ACCS: variants seen among roughly 807,000 people sequenced by gnomAD.
ACCS encodes the protein 1-aminocyclopropane-1-carboxylate synthase homolog (inactive).
A neutral mutation model predicts 59.8 loss-of-function variants in ACCS; 42 were observed. The ratio of observed to expected loss-of-function variants is 0.70; its 90% CI spans 0.55 to 0.91. ACCS has a LOEUF of 0.91. Among genes scored for constraint, ACCS ranks in the 40% least tolerant of loss-of-function variants. ACCS has a pLI of 0.00. For synonymous variants in ACCS, 230 were observed against 240.3 expected, an observed-to-expected ratio of 0.96 and a Z score of 0.40; for missense variants, 602 against 630.4, an observed-to-expected ratio of 0.95 and a Z score of 0.48.
At chr11:44,078,974 A>G (rs1037574684) in intron 9 of ACCS, 190 bp downstream of exon 9, 39 of 583,978 alleles carry the variant, frequency 6.7e-5, no homozygotes, top group Non-Finnish European at 8.5e-5. Flanking sequence ...CACTCTTTAT[A>G]ACAATAGCTA....
Position 44,083,785 on chromosome 11 carries a change from G to T in ACCS, c.1499G>T (p.Arg500Leu). 6.2e-7 allele frequency: 1 copy of T among 1,610,220 alleles called. No individual in the cohort carries two copies. The highest frequency in any genetic ancestry group is 8.5e-7 in the Non-Finnish European group (1 of 1,178,230). ...CAGAGCCAGGAGCCAAGTGACCAACGCAGGTGAGCTGGTCATTGTCTCGTG... is the reference window on the plus strand; with the variant it reads ...CAGAGCCAGGAGCCAAGTGACCAACTCAGGTGAGCTGGTCATTGTCTCGTG... ...PSQSQEPSDQRR is the reference protein window; with the variant it reads ...PSQSQEPSDQLR Residue 500 changes from arginine (R) to leucine (L), a missense_variant, in exon 15 of 15, where the codon CGC becomes CTC. Transcript: ENST00000263776.
intron 5 of ACCS, 117 bp from the exon 6 acceptor site, chr11:44,075,409 C>G: frequency 9.6e-7 from 1 of 1,044,754 alleles, no homozygotes; most frequent in South Asian, 1.4e-5. Flanking sequence ...TGTGACAGAG[C>G]CTCAGGTGGC....
intron 14 of ACCS, 55 bp downstream of exon 14, chr11:44,083,632 C>T (rs753361607): frequency 4.8e-5 from 78 of 1,614,032 alleles, no homozygotes; most frequent in Admixed American, 4.7e-4. Flanking sequence ...CTGTGGCCTC[C>T]GCTTGTTTGT....
At chr11:44,075,501 C>A in intron 5 of ACCS, 25 bp from the exon 6 acceptor site, 1 of 1,612,692 alleles carries the variant, frequency 6.2e-7, no homozygotes, top group Non-Finnish European at 8.5e-7. Flanking sequence ...GGTTCATCTT[C>A]ATCCCTTGGA....
In ACCS at chr11:44,083,151, C is replaced by CCT. The variant is rs57392083; in HGVS notation, c.1112-15_1112-14dup. On this transcript the variant is annotated splice_polypyrimidine_tract_variant and intron_variant, in intron 12 of 14. Transcript: ENST00000263776. ...GGTTGATGGGATATTGATCTTCTGGCCTCTTTCACCCAAACAGACTGGATC... is the reference window on the plus strand; with the variant it reads ...GGTTGATGGGATATTGATCTTCTGGCCTCTCTTTCACCCAAACAGACTGGATC... 1,158,028 of 1,610,294 alleles carry CCT rather than the reference C, an allele frequency of 0.72. 418,350 individuals are homozygous for CCT. The highest frequency in any genetic ancestry group is 0.9 in the East Asian group (40,311 of 44,700).
chr11:44,083,886 G>C lies in ACCS; in HGVS notation c.*94G>C, dbSNP rs1042462899. 4.6e-6 allele frequency: 7 copies of C among 1,527,126 alleles called. No homozygotes were observed. In the Admixed American group the frequency reaches 1.0e-4, roughly 22 times the overall value. The allele number at this position is 1,527,126 out of a possible 1,614,324, so 94.6% of individuals were successfully genotyped here. On this transcript the variant is annotated 3_prime_UTR_variant, in exon 15 of 15. Transcript: ENST00000263776. Reference sequence around the variant, plus strand: ...AAGACTGACTGTGGATGTGCCATTTGCCAGGAAGGTATCTAACTTGGCTTT... The same window carrying C: ...AAGACTGACTGTGGATGTGCCATTTCCCAGGAAGGTATCTAACTTGGCTTT...
intron 9 of ACCS, chr11:44,079,054 AC>A (rs775297644): frequency 2.2e-6 from 1 of 458,596 alleles, no homozygotes; most frequent in Non-Finnish European, 3.9e-6. Flanking sequence ...AATCCTCACA[AC>A]AATGCTATCA....
Position 44,083,572 on chromosome 11 carries a change from G to A in ACCS, c.1403G>A (p.Cys468Tyr), listed in dbSNP as rs1370763496. The part of the protein sequence containing the change: ...FVFSDQVHRL[C>Y]LGMQRVQQVL... ...TTCTCAGACCAGGTCCACCGGCTTTGCCTGGGTGAGCAGCCTGCCTTTCCA... is the reference window on the plus strand; with the variant it reads ...TTCTCAGACCAGGTCCACCGGCTTTACCTGGGTGAGCAGCCTGCCTTTCCA... The change falls in exon 14 of 15, where the codon TGC becomes TAC. Residue 468 changes from cysteine (C) to tyrosine (Y), a missense_variant. Coordinates refer to ENST00000263776, the MANE Select transcript of ACCS (RefSeq NM_032592.4). 1.9e-6 allele frequency: 3 copies of A among 1,614,118 alleles called. No homozygotes were observed. The highest frequency in any genetic ancestry group is 2.5e-6 in the Non-Finnish European group (3 of 1,180,054).
At chr11:44,083,659 A>G (rs780134427) in intron 14 of ACCS, 36 bp from the exon 15 acceptor site, 1 of 1,614,172 alleles carries the variant, frequency 6.2e-7, no homozygotes, top group Admixed American at 1.7e-5. Flanking sequence ...CCACGTGGCC[A>G]TCAGTGCCAA....
rs779670469 is a variant in ACCS at position 44,083,254 on chromosome 11, G to A, written c.1197G>A (p.Leu399=). ...HTYVSEELRA[L]GIPFLSRGAG... ...ATGTCTCAGAAGAGCTTAGGGCATTGGGGATCCCCTTCTTGAGTCGTGGGG... is the reference window on the plus strand; with the variant it reads ...ATGTCTCAGAAGAGCTTAGGGCATTAGGGATCCCCTTCTTGAGTCGTGGGG... Residue 399 remains leucine (L), a synonymous_variant, in exon 13 of 15, where the codon TTG becomes TTA. Transcript: ENST00000263776. The A allele has an allele frequency of 1.2e-6, 2 of 1,614,194 alleles. No individual in the cohort carries two copies. Among genetic ancestry groups the A allele is most frequent in the Non-Finnish European group, 8.5e-7 (1 of 1,180,030 alleles).
At position 44,083,278 on chromosome 11, in the gene ACCS, G is replaced by T. The variant is rs774646035; in HGVS notation, c.1221G>T (p.Gly407=). Residue 407 remains glycine, a synonymous_variant, in exon 13 of 15, where the codon GGG becomes GGT. Coordinates refer to ENST00000263776, the MANE Select transcript of ACCS (RefSeq NM_032592.4). The part of the protein sequence containing the change: ...RALGIPFLSR[G]AGFFIWVDLR... Reference sequence around the variant, plus strand: ...TGGGGATCCCCTTCTTGAGTCGTGGGGCTGGCTTCTTCATCTGGGTTGACT... The same window carrying T: ...TGGGGATCCCCTTCTTGAGTCGTGGTGCTGGCTTCTTCATCTGGGTTGACT... The T allele has an allele frequency of 3.1e-6, 5 of 1,614,170 alleles. No individual in the cohort carries two copies. The South Asian group carries it at 4.4e-5, about 14-fold the overall frequency.
At chr11:44,068,500 G>A (rs1052880477) in intron 2 of ACCS, among the ~76,000 whole-genome samples, 13 of 152,146 alleles carry the variant, frequency 8.5e-5, no homozygotes, top group African/African-American at 3.1e-4. Context: ...AGCTACTGGG[G>A]AGGCTGAGGT....
chr11:44,083,486 G>A lies in ACCS; in HGVS notation c.1317G>A (p.Lys439=), dbSNP rs758290087. 207 of 1,614,260 alleles carry A rather than the reference G, an allele frequency of 1.3e-4. No individual in the cohort carries two copies. The highest frequency in any genetic ancestry group is 6.6e-4 in the Middle Eastern group (4 of 6,062). ...TCTGGCGCCGCTTTTTGGACAACAA[G>A]GTGCTGCTGTCCTTTGGCAAGGCCT... ...MLLWRRFLDN[K]VLLSFGKAFE... The change falls in exon 14 of 15, where the codon AAG becomes AAA. Residue 439 remains lysine (K), a synonymous_variant. Transcript: ENST00000263776.
chr11:44,078,945 C>T (rs1953506913), intron 9 of ACCS, 161 bp downstream of exon 9: 3 of 608,354 alleles, frequency 4.9e-6, no homozygotes, highest in East Asian at 5.6e-5. Context: ...TTGTGGGATG[C>T]CCATTCCTCT....
At chr11:44,079,678 C>A in intron 10 of ACCS, 58 bp downstream of exon 10, 3 of 1,510,988 alleles carry the variant, frequency 2.0e-6, no homozygotes, top group Non-Finnish European at 2.7e-6. Context: ...GGAGCCCTGG[C>A]CACTTTCTGG....
At position 44,084,059 on chromosome 11, in the gene ACCS, G is replaced by C. The variant is rs1008329345; in HGVS notation, c.*267G>C. On this transcript the variant is annotated 3_prime_UTR_variant, in exon 15 of 15. Transcript: ENST00000263776. ...GTGAGTTATTTAGAATGGAGGAGTC[G>C]TGACTGCTTCTAACCAGAGCCTCAG... The C allele has an allele frequency of 1.8e-6, 1 of 556,914 alleles. No individual in the cohort carries two copies. The highest frequency in any genetic ancestry group is 1.9e-5 in the African/African-American group (1 of 52,614). The allele number at this position is 556,914 out of a possible 1,614,324, so 34.5% of individuals were successfully genotyped here.
intron 10 of ACCS, 139 bp downstream of exon 10, chr11:44,079,759 T>A: frequency 1.5e-6 from 1 of 686,326 alleles, no homozygotes; most frequent in Non-Finnish European, 2.5e-6. Context: ...GGTCCTCAGA[T>A]CTAATGAGAA....
chr11:44,083,881 C>A lies in ACCS; in HGVS notation c.*89C>A. On this transcript the variant is annotated 3_prime_UTR_variant, in exon 15 of 15. Coordinates refer to ENST00000263776, the MANE Select transcript of ACCS (RefSeq NM_032592.4). ...TGCAGAAGACTGACTGTGGATGTGC[C>A]ATTTGCCAGGAAGGTATCTAACTTG... 6.5e-7 allele frequency: 1 copy of A among 1,531,396 alleles called. No individual in the cohort carries two copies. Among genetic ancestry groups the A allele is most frequent in the South Asian group, 1.2e-5 (1 of 81,898 alleles). The allele number at this position is 1,531,396 out of a possible 1,614,324, so 94.9% of individuals were successfully genotyped here.
intron 6 of ACCS, 184 bp downstream of exon 6, chr11:44,075,776 G>T: frequency 1.5e-6 from 1 of 647,278 alleles, no homozygotes; most frequent in Non-Finnish European, 2.6e-6. Context: ...GGGGAGGTTA[G>T]TTTGATGTCA....
Sources: allele counts gnomAD v4.1 joint callset (sites outside exome capture counted in the v4.1 genomes callset), GRCh38; gene constraint gnomAD v4.1.1; transcripts MANE v1.5; gene names NCBI Gene and HGNC (gene_info 2026-07-23, HGNC 2026-07-21).